The following KCNH7 variants were observed in gnomAD, a reference collection of about 807,000 sequenced individuals.
KCNH7 encodes the protein potassium voltage-gated channel subfamily H member 7, also known as voltage-gated inwardly rectifying potassium channel KCNH7.
A neutral mutation model predicts 120.8 loss-of-function variants in KCNH7; 49 were observed. That is an observed-to-expected ratio of 0.41 (90% confidence interval 0.32 to 0.51). The LOEUF (loss-of-function observed/expected upper bound fraction) is 0.51. Among genes scored for constraint, KCNH7 ranks in the 20% least tolerant of loss-of-function variants. The pLI, the probability that KCNH7 is intolerant of heterozygous loss-of-function variation, is 0.38. For missense variants in KCNH7, 1,097 were observed against 1,446.6 expected (o/e 0.76, Z 3.92); for synonymous variants, 547 against 516.1 (o/e 1.06, Z -0.81).
At chr2:162,535,102 T>G (rs1692063369) in intron 3 of KCNH7, among the ~76,000 whole-genome samples, 1 of 151,740 alleles carries the variant, frequency 6.6e-6, no homozygotes, top group South Asian at 2.1e-4. Context: ...ATAAAGCACA[T>G]ACAACTCAAC....
chr2:162,725,005 C>T (rs1258509843), intron 2 of KCNH7, among the ~76,000 whole-genome samples: 1 of 152,190 alleles, frequency 6.6e-6, no homozygotes, highest in Non-Finnish European at 1.5e-5. Context: ...CAGCCAACAG[C>T]TTGCTGATGA....
intron 2 of KCNH7, among the ~76,000 whole-genome samples, chr2:162,735,373 G>C (rs35239323): frequency 0.02 from 3,033 of 152,222 alleles, 67 homozygotes; most frequent in East Asian, 0.11. Flanking sequence ...TCCTGCTAAA[G>C]AATAAGCATA....
At position 162,581,883 on chromosome 2, in the gene KCNH7, C is replaced by T. The variant is rs183032139; in HGVS notation, c.308-44803G>A. On this transcript the variant is annotated intron_variant, in intron 2 of 15. Transcript: ENST00000332142. Reference sequence around the variant, plus strand: ...TGTTGCTACAAAGGGACCCACCCACCCAAAGAAAGAAAAAGTAGTGATGAG... The same window carrying T: ...TGTTGCTACAAAGGGACCCACCCACTCAAAGAAAGAAAAAGTAGTGATGAG... Among the ~76,000 whole-genome samples, 9 of 151,990 alleles carry T rather than the reference C, an allele frequency of 5.9e-5. No homozygotes were observed. The East Asian group carries it at 1.7e-3, about 30-fold the overall frequency.
chr2:162,584,354 T>G (rs1014629244), intron 2 of KCNH7, among the ~76,000 whole-genome samples: 2 of 152,132 alleles, frequency 1.3e-5, no homozygotes, highest in African/African-American at 4.8e-5. Context: ...ATAATTATTA[T>G]AGAGCATTAT....
chr2:162,742,652 T>C (rs1188775532), intron 2 of KCNH7, among the ~76,000 whole-genome samples: 3 of 152,220 alleles, frequency 2.0e-5, no homozygotes, highest in Admixed American at 6.5e-5. Flanking sequence ...ACAGTACAGA[T>C]ATTTTCACTT....
rs569143669 is a variant in KCNH7 at position 162,569,717 on chromosome 2, C to T, written c.308-32637G>A. Among the ~76,000 whole-genome samples, 6 of 152,106 alleles carry T rather than the reference C, an allele frequency of 3.9e-5. 1 individual carries two copies. The South Asian group carries it at 1.3e-3, about 32-fold the overall frequency. On this transcript the variant is annotated intron_variant, in intron 2 of 15. Coordinates refer to ENST00000332142, the MANE Select transcript of KCNH7 (RefSeq NM_033272.4). ...TTGCTTTGAATGCATCCCATAGATT[C>T]TGGTATGTTCTGTCTTTGCTCTCGT...
chr2:162,619,434 C>T (rs1283448974), intron 2 of KCNH7, among the ~76,000 whole-genome samples: 1 of 149,580 alleles, frequency 6.7e-6, no homozygotes, highest in Non-Finnish European at 1.5e-5. Flanking sequence ...TAAGAATTGG[C>T]CCCTTGGTCC....
chr2:162,548,975 A>G (rs1355140917), intron 2 of KCNH7, among the ~76,000 whole-genome samples: 1 of 152,170 alleles, frequency 6.6e-6, no homozygotes, highest in Non-Finnish European at 1.5e-5. Context: ...ATATTGATTA[A>G]CTGGGGAGTG....
chr2:162,598,939 A>C (rs1694463685), intron 2 of KCNH7, among the ~76,000 whole-genome samples: 1 of 152,106 alleles, frequency 6.6e-6, no homozygotes, highest in Non-Finnish European at 1.5e-5. Context: ...TGAAACAGTA[A>C]ATTTGTAATT....
chr2:162,387,064 C>A (rs1045754604), intron 12 of KCNH7, among the ~76,000 whole-genome samples: 31 of 150,124 alleles, frequency 2.1e-4, no homozygotes, highest in Admixed American at 2.0e-3. Context: ...AAAGCAGAAT[C>A]AGGTAAAAGA....
At chr2:162,708,504 G>A (rs966678543) in intron 2 of KCNH7, among the ~76,000 whole-genome samples, 1 of 152,094 alleles carries the variant, frequency 6.6e-6, no homozygotes, top group African/African-American at 2.4e-5. Flanking sequence ...TTTTAATACA[G>A]GATCAAAGGA....
At chr2:162,669,653 C>CA (rs1417809501) in intron 2 of KCNH7, among the ~76,000 whole-genome samples, 20 of 152,256 alleles carry the variant, frequency 1.3e-4, no homozygotes, top group Admixed American at 1.2e-3. Flanking sequence ...ATATCTAGAA[C>CA]ATTTCTGATC....
chr2:162,575,023 C>G (rs962249337), intron 2 of KCNH7, among the ~76,000 whole-genome samples: 1 of 152,060 alleles, frequency 6.6e-6, no homozygotes, highest in Admixed American at 6.6e-5. Context: ...GAGGCTTTTA[C>G]TCCTTCAATG....
intron 2 of KCNH7, among the ~76,000 whole-genome samples, chr2:162,744,568 CTTT>C (rs144013923): frequency 0.12 from 13,874 of 114,824 alleles, 516 homozygotes; most frequent in East Asian, 0.31. Flanking sequence ...ATTCACAGAA[CTTT>C]TTTTTTTTTT....
At position 162,598,308 on chromosome 2, in the gene KCNH7, C is replaced by CA. The variant is rs531496535; in HGVS notation, c.308-61229dup. On this transcript the variant is annotated intron_variant, in intron 2 of 15. Transcript: ENST00000332142. ...ACTATAGTAACGGAGTGAAATCTTG[C>CA]AAAAAAGAGACCTTTTCAGGAAAGT... Among the ~76,000 whole-genome samples, 304 of 151,602 alleles carry CA rather than the reference C, an allele frequency of 2.0e-3. 2 individuals carry two copies. The highest frequency in any genetic ancestry group is 6.9e-3 in the African/African-American group (287 of 41,364).
Position 162,419,274 on chromosome 2 carries a change from T to TAAAA in KCNH7, c.2154+4058_2154+4061dup, listed in dbSNP as rs758417385. ...AATTTCCTCCATTAATGTCCCAGGCTAAAAAAAAAAAAAAAAAAAAAAAGC... is the reference window on the plus strand; with the variant it reads ...AATTTCCTCCATTAATGTCCCAGGCTAAAAAAAAAAAAAAAAAAAAAAAAAAAGC... On this transcript the variant is annotated intron_variant, in intron 9 of 15. Coordinates refer to ENST00000332142, the MANE Select transcript of KCNH7 (RefSeq NM_033272.4). Among the ~76,000 whole-genome samples the TAAAA allele has an allele frequency of 1.6e-3, 97 of 61,866 alleles. 2 individuals carry two copies. Among genetic ancestry groups the TAAAA allele is most frequent in the African/African-American group, 5.3e-3 (90 of 16,850 alleles). The allele number at this position is 61,866 out of a possible 152,430, so 40.6% of individuals were successfully genotyped here.
Position 162,531,208 on chromosome 2 carries a change from G to A in KCNH7, c.463+5717C>T, listed in dbSNP as rs181470771. 5.1e-4 allele frequency among the ~76,000 whole-genome samples: 77 copies of A among 152,080 alleles called. 2 individuals carry two copies. The East Asian group carries it at 0.014, about 27-fold the overall frequency. On this transcript the variant is annotated intron_variant, in intron 3 of 15. Coordinates refer to ENST00000332142, the MANE Select transcript of KCNH7 (RefSeq NM_033272.4). ...GACTTTATTTTAATCACAATATAAA[G>A]TTGCATAAATTGTGTATTATATCCT... is the stretch of plus-strand genomic sequence containing the variant.
At chr2:162,635,508 A>G (rs1246950417) in intron 2 of KCNH7, among the ~76,000 whole-genome samples, 1 of 151,850 alleles carries the variant, frequency 6.6e-6, no homozygotes, top group Non-Finnish European at 1.5e-5. Flanking sequence ...TTTAGTCCAG[A>G]TTTTTGGCTT....
intron 2 of KCNH7, among the ~76,000 whole-genome samples, chr2:162,652,536 A>G (rs903454511): frequency 3.9e-5 from 6 of 152,246 alleles, no homozygotes; most frequent in African/African-American, 1.2e-4. Context: ...GGAGCACACA[A>G]CCTGGATCCC....
Sources: allele counts gnomAD v4.1 joint callset (sites outside exome capture counted in the v4.1 genomes callset), GRCh38; gene constraint gnomAD v4.1.1; transcripts MANE v1.5; gene names NCBI Gene and HGNC (gene_info 2026-07-23, HGNC 2026-07-21).